GOLM2: variants seen among roughly 807,000 people sequenced by gnomAD.
The protein encoded by GOLM2 is golgi membrane protein 2.
In GOLM2, 26 loss-of-function variants were observed where a neutral mutation model predicts 55.9. The observed-to-expected ratio is 0.47, with a 90% CI of 0.34 to 0.65. GOLM2 has a LOEUF of 0.65. Ranked by LOEUF, GOLM2 falls within the 30% of genes least tolerant of loss-of-function variation. GOLM2 has a pLI of 0.01. For missense variants in GOLM2, 486 were observed against 531.8 expected (o/e 0.91, Z 0.85); for synonymous variants, 165 against 194.6 (o/e 0.85, Z 1.27).
Position 44,337,744 on chromosome 15 carries a change from AC to A in GOLM2, c.577-17del. The A allele has an allele frequency of 6.5e-7, 1 of 1,546,324 alleles. No homozygotes were observed. Among genetic ancestry groups the A allele is most frequent in the Admixed American group, 2.3e-5 (1 of 42,574 alleles). ...ACAATTTGAACTGAAAAATATTATT[AC>A]CAAATTTTGTCTAACAGCAAGAGAC... On this transcript the variant is annotated intron_variant, in intron 4 of 9. Coordinates refer to ENST00000299957, the MANE Select transcript of GOLM2 (RefSeq NM_138423.4).
intron 9 of GOLM2, among the ~76,000 whole-genome samples, chr15:44,409,343 T>A (rs1217315649): frequency 6.7e-6 from 1 of 150,074 alleles, no homozygotes; most frequent in African/African-American, 2.5e-5. Context: ...ATCTAGCACT[T>A]TGGGAGGCCG....
intron 8 of GOLM2, among the ~76,000 whole-genome samples, chr15:44,392,351 G>A (rs979609261): frequency 1.3e-5 from 2 of 151,992 alleles, no homozygotes; most frequent in African/African-American, 2.4e-5. Context: ...GGCCAGGCAC[G>A]TAGCTCACGC....
rs1246623646 is a variant in GOLM2, at chr15:44,402,944, C to A, written c.1130C>A (p.Ala377Glu). 1.2e-6 allele frequency: 2 copies of A among 1,613,802 alleles called. No individual in the cohort carries two copies. The highest frequency in any genetic ancestry group is 1.1e-5 in the South Asian group (1 of 91,082). Reference protein sequence around the residue: ...PVDPQHGSKLADYNGDDGNVG... With the variant: ...PVDPQHGSKLEDYNGDDGNVG... The stretch of plus-strand genomic sequence containing the variant: ...GATCCGCAGCATGGCTCTAAACTGG[C>A]GGATTATAATGGGGATGATGGTAAC... The change falls in exon 9 of 10, where the codon GCG becomes GAG. Residue 377 changes from alanine (A) to glutamate (E), a missense_variant. Transcript: ENST00000299957.
intron 8 of GOLM2, chr15:44,390,053 T>TATATATTAATATATCATACTTAATTTATC (rs1244939056): frequency 6.6e-6 from 1 of 152,220 alleles, no homozygotes; most frequent in Non-Finnish European, 1.5e-5. Context: ...CTTATATTGA[T>TATATATTAATATATCATACTTAATTTATC]ATATTTATAA....
In GOLM2 at chr15:44,413,373, C is replaced by T; in HGVS notation, c.1278C>T (p.Asp426=). 1 of 1,610,902 alleles carries T rather than the reference C, an allele frequency of 6.2e-7. No homozygotes were observed. Among genetic ancestry groups the T allele is most frequent in the Non-Finnish European group, 8.5e-7 (1 of 1,179,152 alleles). Residue 426 remains aspartate (D), a synonymous_variant, in exon 10 of 10, where the codon GAC becomes GAT. Coordinates refer to ENST00000299957, the MANE Select transcript of GOLM2 (RefSeq NM_138423.4). Reference sequence around the variant, plus strand: ...GAGAGCTTCAAATGGATCCTGCAGACTATGGAAAGCAACATTTCAATGATG... The same window carrying T: ...GAGAGCTTCAAATGGATCCTGCAGATTATGGAAAGCAACATTTCAATGATG... ...EERELQMDPA[D]YGKQHFNDVL
chr15:44,346,932 C>T (rs1336199974), intron 6 of GOLM2, among the ~76,000 whole-genome samples: 2 of 151,782 alleles, frequency 1.3e-5, no homozygotes, highest in African/African-American at 4.8e-5. Flanking sequence ...GAGTTCGAGG[C>T]TTGGGCAACA....
At chr15:44,301,240 C>G (rs1023028163) in intron 1 of GOLM2, among the ~76,000 whole-genome samples, 1 of 152,162 alleles carries the variant, frequency 6.6e-6, no homozygotes, top group Non-Finnish European at 1.5e-5. Context: ...GCCACCATGC[C>G]TGGCTACATT....
intron 1 of GOLM2, among the ~76,000 whole-genome samples, chr15:44,302,578 C>T (rs2078806431): frequency 1.3e-5 from 2 of 151,294 alleles, no homozygotes; most frequent in South Asian, 2.1e-4. Flanking sequence ...GCAACCTCCA[C>T]CTCCTAGATT....
intron 1 of GOLM2, among the ~76,000 whole-genome samples, chr15:44,312,846 C>T (rs141794193): frequency 0.011 from 1,730 of 152,022 alleles, 43 homozygotes; most frequent in African/African-American, 0.04. Flanking sequence ...TTTGGGAGGC[C>T]GAGGCAGGCG....
chr15:44,408,025 CG>C (rs2079609655), intron 9 of GOLM2, among the ~76,000 whole-genome samples: 1 of 152,062 alleles, frequency 6.6e-6, no homozygotes, highest in Admixed American at 6.6e-5. Flanking sequence ...GCTGGGATTA[CG>C]GCGTGAGCAA....
At chr15:44,326,263 CAAA>C (rs569803247) in intron 2 of GOLM2, among the ~76,000 whole-genome samples, 8 of 59,746 alleles carry the variant, frequency 1.3e-4, no homozygotes, top group African/African-American at 1.3e-4. Context: ...GACTCTGTCT[CAAA>C]AAAAAAAAAA....
chr15:44,339,881 A>G (rs561036241), intron 6 of GOLM2, among the ~76,000 whole-genome samples: 3 of 151,890 alleles, frequency 2.0e-5, no homozygotes, highest in South Asian at 2.1e-4. Flanking sequence ...GTGCAGTGGC[A>G]TGATCACAGC....
chr15:44,332,570 A>AAG (rs1331450647), intron 4 of GOLM2, among the ~76,000 whole-genome samples: 2 of 152,272 alleles, frequency 1.3e-5, no homozygotes, highest in East Asian at 3.9e-4. Flanking sequence ...AAAAAAAAAA[A>AAG]AAATTTAAAT....
intron 8 of GOLM2, 23 bp from the exon 9 acceptor site, chr15:44,402,864 T>G (rs1306963713): frequency 2.5e-6 from 4 of 1,611,974 alleles, no homozygotes; most frequent in Admixed American, 1.7e-5. Flanking sequence ...TACTCTTGAA[T>G]TAATCCTCTA....
chr15:44,304,632 T>A (rs2078824191), intron 1 of GOLM2, among the ~76,000 whole-genome samples: 1 of 150,912 alleles, frequency 6.6e-6, no homozygotes, highest in East Asian at 2.0e-4. Flanking sequence ...CAGCTCACTG[T>A]AGCCTCAACC....
At chr15:44,295,529 T>C (rs2078750447) in intron 1 of GOLM2, among the ~76,000 whole-genome samples, 1 of 152,184 alleles carries the variant, frequency 6.6e-6, no homozygotes, top group Non-Finnish European at 1.5e-5. Context: ...GGTGTATTAG[T>C]TTGCTAGGGC....
intron 2 of GOLM2, 85 bp downstream of exon 2, chr15:44,323,104 C>G: frequency 1.2e-6 from 1 of 863,498 alleles, no homozygotes; most frequent in East Asian, 2.8e-5. Flanking sequence ...GTAAATTAGC[C>G]TAGTGAAATA....
chr15:44,362,819 A>T (rs1406637512), intron 6 of GOLM2, among the ~76,000 whole-genome samples: 2 of 152,258 alleles, frequency 1.3e-5, no homozygotes, highest in Non-Finnish European at 2.9e-5. Flanking sequence ...TAACCAAAAC[A>T]GCATGGTACT....
chr15:44,328,862 C>T, intron 3 of GOLM2, 75 bp downstream of exon 3: 2 of 956,678 alleles, frequency 2.1e-6, no homozygotes, highest in Non-Finnish European at 3.0e-6. Flanking sequence ...TCATTTCTTT[C>T]TCTCTGACTT....
Sources: gnomAD v4.1 joint callset for allele counts (sites outside exome capture counted in the v4.1 genomes callset) on GRCh38, gnomAD v4.1.1 for gene constraint, MANE v1.5 for transcripts, NCBI Gene and HGNC (gene_info 2026-07-23, HGNC 2026-07-21) for gene names.